The following RSBN1 variants were observed in gnomAD, a reference collection of about 807,000 sequenced individuals.
The protein encoded by RSBN1 is lysine-specific demethylase 9.
In RSBN1, 23 loss-of-function variants were observed where a neutral mutation model predicts 74.8. That is an observed-to-expected ratio of 0.31 (90% CI 0.22 to 0.44). The LOEUF (loss-of-function observed/expected upper bound fraction) is 0.44. Among genes scored for constraint, RSBN1 ranks in the 20% least tolerant of loss-of-function variants. The pLI is 1.00. For missense variants in RSBN1, 808 were observed against 1,020.9 expected, an observed-to-expected ratio of 0.79 and a Z score of 2.84; for synonymous variants, 407 against 379.6, an observed-to-expected ratio of 1.07 and a Z score of -0.84.
rs990391900 is a variant in RSBN1, at chr1:113,764,309, T to C, written c.*1671A>G. The C allele has an allele frequency of 6.5e-6, 1 of 152,784 alleles. No individual in the cohort carries two copies. Among genetic ancestry groups the C allele is most frequent in the Non-Finnish European group, 1.5e-5 (1 of 68,028 alleles). The allele number at this position is 152,784 out of a possible 1,614,324, so 9.5% of individuals were successfully genotyped here. A position where few individuals can be genotyped will look rare whatever the true frequency, so the allele number is the denominator to read the frequency against. ...ACTTCCAATTCATAAATGGTTTACATTGAAATGTATCCCTATTTGTCTTCA... is the reference window on the plus strand; with the variant it reads ...ACTTCCAATTCATAAATGGTTTACACTGAAATGTATCCCTATTTGTCTTCA... On this transcript the variant is annotated 3_prime_UTR_variant, in exon 7 of 7. Transcript: ENST00000261441.
chr1:113,765,731 A>G lies in RSBN1; in HGVS notation c.*249T>C. 1 of 366,502 alleles carries G rather than the reference A, an allele frequency of 2.7e-6. No homozygotes were observed. The highest frequency in any genetic ancestry group is 5.0e-6 in the Non-Finnish European group (1 of 201,566). 22.7% of individuals were successfully genotyped at this position (366,502 alleles called of 1,614,324 possible). ...GATTTGAAGAAGAGATTGAATTGTT[A>G]CCTCACACCTTAAAACAGAAAGTAG... On this transcript the variant is annotated 3_prime_UTR_variant, in exon 7 of 7. Transcript: ENST00000261441.
chr1:113,779,993 C>G (rs1426857987), intron 2 of RSBN1, among the ~76,000 whole-genome samples: 1 of 151,754 alleles, frequency 6.6e-6, no homozygotes, highest in East Asian at 1.9e-4. Context: ...GCACTCCAGC[C>G]TGGGCGACAG....
chr1:113,775,566 G>T (rs1660009607), intron 4 of RSBN1, among the ~76,000 whole-genome samples: 1 of 150,610 alleles, frequency 6.6e-6, no homozygotes, highest in African/African-American at 2.4e-5. Flanking sequence ...TGAACTCCTG[G>T]ACTCAAGCAA....
chr1:113,775,485 G>C (rs1660008272), intron 4 of RSBN1, among the ~76,000 whole-genome samples: 1 of 151,860 alleles, frequency 6.6e-6, no homozygotes, highest in African/African-American at 2.4e-5. Context: ...AGGATTACAG[G>C]AGCGTGCCAC....
chr1:113,786,848 C>A (rs1660253970), intron 2 of RSBN1, among the ~76,000 whole-genome samples: 1 of 152,058 alleles, frequency 6.6e-6, no homozygotes, highest in Non-Finnish European at 1.5e-5. Flanking sequence ...GTGGTGAGTG[C>A]CTGTAGTCTA....
rs1659914961 is a variant in RSBN1, at chr1:113,773,174, A to T, written c.1658+4036T>A. ...AATAGAAACATGTATAAAGGAAATT[A>T]AAAGGAAATCACCAAAGACAAAATA... On this transcript the variant is annotated intron_variant, in intron 4 of 6. Transcript: ENST00000261441. 2.0e-5 allele frequency among the ~76,000 whole-genome samples: 3 copies of T among 151,922 alleles called. No homozygotes were observed. In the South Asian group the frequency reaches 6.6e-4, roughly 34 times the overall value.
chr1:113,778,131 G>A (rs746119286), intron 2 of RSBN1, among the ~76,000 whole-genome samples: 12 of 151,410 alleles, frequency 7.9e-5, no homozygotes, highest in Non-Finnish European at 1.2e-4. Flanking sequence ...CTTTATTTAA[G>A]AAAAAAACAT....
chr1:113,773,332 C>T (rs1248804460), intron 4 of RSBN1, among the ~76,000 whole-genome samples: 1 of 152,088 alleles, frequency 6.6e-6, no homozygotes, highest in Non-Finnish European at 1.5e-5. Context: ...TGGGACGAGC[C>T]TGGCCAATAT....
intron 5 of RSBN1, among the ~76,000 whole-genome samples, chr1:113,767,605 G>C (rs1054655485): frequency 4.6e-5 from 7 of 152,122 alleles, no homozygotes; most frequent in Admixed American, 2.0e-4. Context: ...ATATAATCCA[G>C]CAACTTCACT....
At chr1:113,781,202 A>G (rs1660132884) in intron 2 of RSBN1, among the ~76,000 whole-genome samples, 1 of 152,214 alleles carries the variant, frequency 6.6e-6, no homozygotes, top group Non-Finnish European at 1.5e-5. Flanking sequence ...GCAACTTGCC[A>G]TCAAAAGCAC....
At chr1:113,792,336 G>A (rs775936459) in intron 2 of RSBN1, among the ~76,000 whole-genome samples, 5 of 152,064 alleles carry the variant, frequency 3.3e-5, no homozygotes, top group African/African-American at 7.2e-5. Context: ...ATTTGCGCTT[G>A]CAATTTATGT....
At position 113,763,457 on chromosome 1, in the gene RSBN1, T is replaced by C. The variant is rs1215851043; in HGVS notation, c.*2523A>G. Reference sequence around the variant, plus strand: ...CCTCACTCCACCAAACCAAATAATTTAATGATTTAGAAAAATTGCAATCAT... The same window carrying C: ...CCTCACTCCACCAAACCAAATAATTCAATGATTTAGAAAAATTGCAATCAT... On this transcript the variant is annotated 3_prime_UTR_variant, in exon 7 of 7. Transcript: ENST00000261441. 6.5e-6 allele frequency: 1 copy of C among 152,694 alleles called. No individual in the cohort carries two copies. Among genetic ancestry groups the C allele is most frequent in the Non-Finnish European group, 1.5e-5 (1 of 68,030 alleles). The allele number at this position is 152,694 out of a possible 1,614,324, so 9.5% of individuals were successfully genotyped here.
At chr1:113,768,199 G>A (rs1659820237) in intron 5 of RSBN1, 23 bp downstream of exon 5, 1 of 1,579,812 alleles carries the variant, frequency 6.3e-7, no homozygotes, top group African/African-American at 1.4e-5. Context: ...AACCAACCTT[G>A]CAGTTGAGTT....
chr1:113,787,725 C>A (rs1481042172), intron 2 of RSBN1, among the ~76,000 whole-genome samples: 1 of 152,180 alleles, frequency 6.6e-6, no homozygotes, highest in East Asian at 1.9e-4. Flanking sequence ...GTAACCTACT[C>A]CATCCCCTGA....
chr1:113,783,521 A>T (rs1660177499), intron 2 of RSBN1, among the ~76,000 whole-genome samples: 3 of 152,204 alleles, frequency 2.0e-5, no homozygotes, highest in Admixed American at 6.5e-5. Flanking sequence ...TAGGAAACTA[A>T]TGCCAAACAA....
intron 1 of RSBN1, among the ~76,000 whole-genome samples, chr1:113,800,983 A>ATT (rs773750604): frequency 0.01 from 1,493 of 145,826 alleles, 29 homozygotes; most frequent in African/African-American, 0.036. Flanking sequence ...CTGTTTTTCA[A>ATT]TTTTTTTTTT....
intron 2 of RSBN1, among the ~76,000 whole-genome samples, chr1:113,791,422 C>A (rs1660361406): frequency 6.6e-6 from 1 of 152,070 alleles, no homozygotes; most frequent in Non-Finnish European, 1.5e-5. Flanking sequence ...ATACATAGAG[C>A]TTCTACAAAG....
chr1:113,803,733 T>C (rs1035685377), intron 1 of RSBN1, among the ~76,000 whole-genome samples: 1 of 103,748 alleles, frequency 9.6e-6, no homozygotes, highest in Non-Finnish European at 2.1e-5. Context: ...CCTAAGTCAA[T>C]GTCCCAGCTC....
intron 2 of RSBN1, among the ~76,000 whole-genome samples, chr1:113,788,416 T>C (rs1660301588): frequency 6.6e-6 from 1 of 152,174 alleles, no homozygotes; most frequent in African/African-American, 2.4e-5. Flanking sequence ...TGATTGTTAT[T>C]ATTCTTTATA....
Sources: allele counts gnomAD v4.1 joint callset (sites outside exome capture counted in the v4.1 genomes callset), GRCh38; gene constraint gnomAD v4.1.1; transcripts MANE v1.5; gene names NCBI Gene and HGNC (gene_info 2026-07-23, HGNC 2026-07-21).